Variants in ACSL3 observed in about 807,000 individuals in gnomAD.
ACSL3 encodes the protein acyl-CoA synthetase long chain family member 3.
In ACSL3, 34 loss-of-function variants were observed where a neutral mutation model predicts 84.7. The ratio of observed to expected loss-of-function variants is 0.40; its 90% CI spans 0.31 to 0.53. The LOEUF is 0.53. Among genes scored for constraint, ACSL3 ranks in the 20% least tolerant of loss-of-function variants. The pLI is 0.48. For missense variants in ACSL3, 680 were observed against 873.1 expected, an observed-to-expected ratio of 0.78 and a Z score of 2.79; for synonymous variants, 315 against 299.4, an observed-to-expected ratio of 1.05 and a Z score of -0.54.
At chr2:222,935,985 G>T (rs532321394) in intron 16 of ACSL3, among the ~76,000 whole-genome samples, 1 of 151,812 alleles carries the variant, frequency 6.6e-6, no homozygotes, top group African/African-American at 2.4e-5. Context: ...TTGATTACTT[G>T]AGGTACTTCA....
chr2:222,917,234 C>T (rs994488385), intron 5 of ACSL3, among the ~76,000 whole-genome samples: 11 of 152,112 alleles, frequency 7.2e-5, no homozygotes, highest in East Asian at 1.9e-4. Flanking sequence ...GGACTGCAGG[C>T]GCATGCCGCC....
At chr2:222,871,172 A>G (rs928066923) in intron 1 of ACSL3, among the ~76,000 whole-genome samples, 1 of 152,190 alleles carries the variant, frequency 6.6e-6, no homozygotes, top group Non-Finnish European at 1.5e-5. Context: ...GGAAGGGAAC[A>G]TTACCAAATG....
At chr2:222,886,993 A>T (rs943651472) in intron 1 of ACSL3, among the ~76,000 whole-genome samples, 1 of 152,212 alleles carries the variant, frequency 6.6e-6, no homozygotes, top group Admixed American at 6.5e-5. Flanking sequence ...GCAGGTTTTA[A>T]CAAATATATG....
chr2:222,866,367 G>T (rs574410461), intron 1 of ACSL3, among the ~76,000 whole-genome samples: 54 of 152,260 alleles, frequency 3.5e-4, no homozygotes, highest in African/African-American at 1.2e-3. Context: ...GGATGGTCTT[G>T]ATCTTCTGAC....
intron 3 of ACSL3, among the ~76,000 whole-genome samples, chr2:222,906,950 T>G (rs1559290835): frequency 6.6e-6 from 1 of 152,212 alleles, no homozygotes; most frequent in African/African-American, 2.4e-5. Context: ...AGGCATGAAC[T>G]TTTCCATTCT....
chr2:222,924,117 A>T (rs189278106), intron 10 of ACSL3, among the ~76,000 whole-genome samples: 29 of 152,366 alleles, frequency 1.9e-4, no homozygotes, highest in African/African-American at 6.7e-4. Flanking sequence ...TTTTGTGAGT[A>T]GGTTTTAGTT....
chr2:222,892,223 T>A (rs1695858745), intron 2 of ACSL3, among the ~76,000 whole-genome samples: 2 of 152,236 alleles, frequency 1.3e-5, no homozygotes, highest in African/African-American at 4.8e-5. Context: ...CTGTGTGTTG[T>A]TGATATTTGT....
chr2:222,908,642 A>T, intron 3 of ACSL3, 91 bp from the exon 4 acceptor site: 1 of 531,920 alleles, frequency 1.9e-6, no homozygotes, highest in South Asian at 3.2e-5. Context: ...TGCCTGATAG[A>T]AAAAAAAAAA....
rs1419073892 is a variant in ACSL3 at position 222,941,744 on chromosome 2, C to T, written c.*90C>T. 3 of 1,375,856 alleles carry T rather than the reference C, an allele frequency of 2.2e-6. No homozygotes were observed. The highest frequency in any genetic ancestry group is 2.2e-4 in the Middle Eastern group (1 of 4,566). The allele number at this position is 1,375,856 out of a possible 1,614,324, so 85.2% of individuals were successfully genotyped here. On this transcript the variant is annotated 3_prime_UTR_variant, in exon 17 of 17. Transcript: ENST00000357430. ...CATGTCTCAAGCTGCAAGGCAAACT[C>T]CATTCCTCATATTAAACTATTACTT...
intron 11 of ACSL3, among the ~76,000 whole-genome samples, chr2:222,926,712 GTAAA>G (rs1277703148): frequency 6.6e-6 from 1 of 152,106 alleles, no homozygotes; most frequent in Non-Finnish European, 1.5e-5. Flanking sequence ...AATATTTTAT[GTAAA>G]TAATGATATA....
At chr2:222,889,527 T>C (rs1695796525) in intron 2 of ACSL3, among the ~76,000 whole-genome samples, 3 of 152,364 alleles carry the variant, frequency 2.0e-5, no homozygotes, top group Admixed American at 6.5e-5. Context: ...TAAGAGATAA[T>C]GTAAAAATGG....
intron 4 of ACSL3, among the ~76,000 whole-genome samples, chr2:222,914,634 T>C (rs1322778107): frequency 6.6e-6 from 1 of 152,148 alleles, no homozygotes; most frequent in African/African-American, 2.4e-5. Context: ...AGACCAGGGA[T>C]GTATGATAGG....
In ACSL3 at chr2:222,942,590, G is replaced by A. The variant is rs1285634094; in HGVS notation, c.*936G>A. On this transcript the variant is annotated 3_prime_UTR_variant, in exon 17 of 17. Coordinates refer to ENST00000357430, the MANE Select transcript of ACSL3 (RefSeq NM_004457.5). ...TATATTTGTAAACAAATTAGTCATG[G>A]AAAATTATTCTATCTCAAAGTCTCC... The A allele has an allele frequency of 5.0e-6, 1 of 198,376 alleles. No individual in the cohort carries two copies. Among genetic ancestry groups the A allele is most frequent in the African/African-American group, 2.3e-5 (1 of 43,398 alleles). The allele number at this position is 198,376 out of a possible 1,614,324, so 12.3% of individuals were successfully genotyped here. A position where few individuals can be genotyped will look rare whatever the true frequency, so the allele number is the denominator to read the frequency against.
At chr2:222,867,696 T>C (rs1176035421) in intron 1 of ACSL3, among the ~76,000 whole-genome samples, 1 of 152,202 alleles carries the variant, frequency 6.6e-6, no homozygotes. Flanking sequence ...CCCTTTGCTC[T>C]CTTGATAGAC....
At chr2:222,913,174 C>G (rs1696489791) in intron 4 of ACSL3, among the ~76,000 whole-genome samples, 1 of 152,112 alleles carries the variant, frequency 6.6e-6, no homozygotes, top group East Asian at 1.9e-4. Context: ...TTAGAGAAGA[C>G]TTCACTATGA....
At chr2:222,865,205 C>A (rs565220237) in intron 1 of ACSL3, among the ~76,000 whole-genome samples, 172 of 152,186 alleles carry the variant, frequency 1.1e-3, no homozygotes, top group Middle Eastern at 6.8e-3. Context: ...TGCCTTAATT[C>A]TTTTAATTTA....
chr2:222,939,280 A>G (rs1259899697), intron 16 of ACSL3, among the ~76,000 whole-genome samples: 2 of 152,256 alleles, frequency 1.3e-5, no homozygotes, highest in East Asian at 3.9e-4. Flanking sequence ...AGTCAGCCCT[A>G]CTACGGATTC....
At chr2:222,906,048 T>C (rs1696283337) in intron 3 of ACSL3, among the ~76,000 whole-genome samples, 1 of 152,196 alleles carries the variant, frequency 6.6e-6, no homozygotes, top group African/African-American at 2.4e-5. Context: ...TGCCTCATGA[T>C]TTTGTGTTGT....
chr2:222,892,691 C>A (rs1297082290), intron 2 of ACSL3, among the ~76,000 whole-genome samples: 1 of 152,108 alleles, frequency 6.6e-6, no homozygotes, highest in African/African-American at 2.4e-5. Context: ...AAGGTATTAA[C>A]TATAGAATTT....
Sources: allele counts gnomAD v4.1 joint callset (sites outside exome capture counted in the v4.1 genomes callset), GRCh38; gene constraint gnomAD v4.1.1; transcripts MANE v1.5; gene names NCBI Gene and HGNC (gene_info 2026-07-23, HGNC 2026-07-21).